The following PRELID2 variants were observed in gnomAD, a reference collection of about 807,000 sequenced individuals.
The protein encoded by PRELID2 is PRELI domain containing 2, also known as PRELI domain-containing protein 2.
In PRELID2, 25 loss-of-function variants were observed where a neutral mutation model predicts 28.4. The ratio of observed to expected loss-of-function variants is 0.88; its 90% CI spans 0.64 to 1.23. The LOEUF is 1.23. Ranked by LOEUF, PRELID2 falls within the 50% of genes most tolerant of loss-of-function variation. The probability of loss-of-function intolerance (pLI) is 0.00; values close to 1 mark genes in which losing one functional copy is unlikely to be tolerated. For synonymous variants in PRELID2, 76 were observed against 71.6 expected (o/e 1.06, Z -0.31); for missense variants, 201 against 214.4 (o/e 0.94, Z 0.39).
chr5:145,798,981 C>A (rs1328085844), intron 4 of PRELID2, among the ~76,000 whole-genome samples: 1 of 151,446 alleles, frequency 6.6e-6, no homozygotes, highest in African/African-American at 2.4e-5. Flanking sequence ...ATGCATCAAA[C>A]CTGCACGTTG....
intron 1 of PRELID2, among the ~76,000 whole-genome samples, chr5:145,669,257 T>A (rs1208244255): frequency 6.6e-6 from 1 of 152,138 alleles, no homozygotes; most frequent in African/African-American, 2.4e-5. Flanking sequence ...TTTGTTTTCC[T>A]CTGGTTGTTG....
chr5:145,321,446 A>G, the PRELID2 span, among the ~76,000 whole-genome samples: 1 of 152,188 alleles, frequency 6.6e-6, no homozygotes, highest in African/African-American at 2.4e-5. Context: ...ATGTATCCCA[A>G]TAAACTTTAG....
intron 4 of PRELID2, among the ~76,000 whole-genome samples, chr5:145,801,292 T>C (rs1034489781): frequency 6.6e-6 from 1 of 152,172 alleles, no homozygotes; most frequent in Non-Finnish European, 1.5e-5. Context: ...TCATTTAAAG[T>C]CTTGTTAAAT....
At chr5:145,813,903 T>C (rs1220277311) in intron 4 of PRELID2, among the ~76,000 whole-genome samples, 1 of 152,202 alleles carries the variant, frequency 6.6e-6, no homozygotes, top group Non-Finnish European at 1.5e-5. Context: ...CTACCTTAAA[T>C]GGTAACAGAA....
At chr5:145,416,021 C>G in the PRELID2 span, among the ~76,000 whole-genome samples, 1 of 152,058 alleles carries the variant, frequency 6.6e-6, no homozygotes, top group African/African-American at 2.4e-5. Flanking sequence ...TTGCATTTCT[C>G]TGATGGCCAG....
intron 5 of PRELID2, among the ~76,000 whole-genome samples, chr5:145,781,145 G>A (rs1217752639): frequency 6.6e-6 from 1 of 152,144 alleles, no homozygotes; most frequent in African/African-American, 2.4e-5. Flanking sequence ...CAGGAAGGAT[G>A]AAATTCTATC....
the PRELID2 span, among the ~76,000 whole-genome samples, chr5:145,363,204 T>C: frequency 6.6e-6 from 1 of 151,810 alleles, no homozygotes; most frequent in Admixed American, 6.6e-5. Flanking sequence ...ATATGTTACC[T>C]AGCGAACATT....
chr5:145,411,861 T>C, the PRELID2 span, among the ~76,000 whole-genome samples: 11 of 152,150 alleles, frequency 7.2e-5, no homozygotes, highest in Non-Finnish European at 1.5e-4. Flanking sequence ...TCAGTTCTTG[T>C]CTTCTGCACA....
At chr5:145,305,199 C>G in the PRELID2 span, among the ~76,000 whole-genome samples, 1 of 151,944 alleles carries the variant, frequency 6.6e-6, no homozygotes, top group Non-Finnish European at 1.5e-5. Flanking sequence ...AGCTGGAAAG[C>G]AAAAGGATGA....
chr5:145,338,257 TAC>T, the PRELID2 span: 1 of 152,232 alleles, frequency 6.6e-6, no homozygotes, highest in African/African-American at 2.4e-5. Flanking sequence ...CAGGCACAGA[TAC>T]ACTCTTATTT....
intron 5 of PRELID2, among the ~76,000 whole-genome samples, chr5:145,792,643 G>A (rs1194727821): frequency 6.6e-6 from 1 of 152,028 alleles, no homozygotes; most frequent in Non-Finnish European, 1.5e-5. Context: ...CTGGCACATA[G>A]GTGACACCCA....
chr5:145,564,099 C>T (rs1373514802), intron 1 of PRELID2, among the ~76,000 whole-genome samples: 1 of 152,182 alleles, frequency 6.6e-6, no homozygotes, highest in Non-Finnish European at 1.5e-5. Flanking sequence ...GAAAAAGACT[C>T]ATTCTGGAAA....
At chr5:145,421,376 G>A in the PRELID2 span, among the ~76,000 whole-genome samples, 1 of 150,922 alleles carries the variant, frequency 6.6e-6, no homozygotes. Context: ...AATCTTTTTG[G>A]TTGGTAAGCT....
At chr5:145,720,868 G>C (rs893330950) in intron 1 of PRELID2, among the ~76,000 whole-genome samples, 3 of 151,992 alleles carry the variant, frequency 2.0e-5, no homozygotes, top group African/African-American at 7.2e-5. Context: ...GTTCTCAAAT[G>C]TTTTGGCCTC....
chr5:145,805,756 G>A (rs926266383), intron 4 of PRELID2, among the ~76,000 whole-genome samples: 1 of 152,088 alleles, frequency 6.6e-6, no homozygotes, highest in African/African-American at 2.4e-5. Context: ...AAACCTAGAT[G>A]GTATAGCTTA....
chr5:145,520,943 A>G (rs1341140540), intron 1 of PRELID2, among the ~76,000 whole-genome samples: 1 of 152,130 alleles, frequency 6.6e-6, no homozygotes, highest in African/African-American at 2.4e-5. Flanking sequence ...ATTGAGCACA[A>G]TTTGCATTAA....
intron 5 of PRELID2, among the ~76,000 whole-genome samples, chr5:145,773,930 T>A (rs1758255514): frequency 6.6e-6 from 1 of 152,246 alleles, no homozygotes; most frequent in African/African-American, 2.4e-5. Context: ...TCTGCTTTTA[T>A]CTTGTATCTC....
the PRELID2 span, among the ~76,000 whole-genome samples, chr5:145,334,617 A>C: frequency 6.6e-6 from 1 of 152,196 alleles, no homozygotes; most frequent in Non-Finnish European, 1.5e-5. Context: ...AATAATTAGC[A>C]TCTTTTATTA....
rs551798506 is a variant in PRELID2 at position 145,795,708 on chromosome 5, T to C, written c.474+734A>G. 6 of 152,278 alleles carry C rather than the reference T, an allele frequency of 3.9e-5. No individual in the cohort carries two copies. The East Asian group carries it at 1.2e-3, about 29-fold the overall frequency. The allele number at this position is 152,278 out of a possible 1,614,324, so 9.4% of individuals were successfully genotyped here. On this transcript the variant is annotated intron_variant, in intron 5 of 6. Transcript: ENST00000683046. ...CAATAATAAAACACTTAGGAGCAACTGCTTTATACTGAGCACTGCAATAAG... is the reference window on the plus strand; with the variant it reads ...CAATAATAAAACACTTAGGAGCAACCGCTTTATACTGAGCACTGCAATAAG...
Sources: allele counts gnomAD v4.1 joint callset (sites outside exome capture counted in the v4.1 genomes callset), GRCh38; gene constraint gnomAD v4.1.1; transcripts MANE v1.5; gene names NCBI Gene and HGNC (gene_info 2026-07-23, HGNC 2026-07-21).